The following REDIC1 variants were observed in gnomAD, a reference collection of about 807,000 sequenced individuals.
The protein encoded by REDIC1 is regulator of DNA class I crossover intermediates 1, also known as HEI10 Interacting Protein 1.
the REDIC1 span, among the ~76,000 whole-genome samples, chr12:39,899,997 C>A: frequency 1.3e-5 from 2 of 152,076 alleles, no homozygotes; most frequent in Non-Finnish European, 2.9e-5. Context: ...CCACCATGAT[C>A]AAGTGGGCTT....
At chr12:39,731,291 T>G in the REDIC1 span, among the ~76,000 whole-genome samples, 1 of 152,190 alleles carries the variant, frequency 6.6e-6, no homozygotes, top group African/African-American at 2.4e-5. Flanking sequence ...CTTTGTGGAT[T>G]TATCTACCTT....
the REDIC1 span, among the ~76,000 whole-genome samples, chr12:39,894,453 A>G: frequency 6.6e-6 from 1 of 152,208 alleles, no homozygotes; most frequent in Non-Finnish European, 1.5e-5. Flanking sequence ...TAATAAAAGG[A>G]CTTACTCAAT....
At chr12:39,850,700 A>T in the REDIC1 span, among the ~76,000 whole-genome samples, 1 of 152,210 alleles carries the variant, frequency 6.6e-6, no homozygotes, top group African/African-American at 2.4e-5. Context: ...ATGAATAAGG[A>T]TGATAATATA....
chr12:39,882,012 C>G, the REDIC1 span, among the ~76,000 whole-genome samples: 1 of 152,098 alleles, frequency 6.6e-6, no homozygotes, highest in Non-Finnish European at 1.5e-5. Flanking sequence ...TCCTCTCTGG[C>G]CAGCACAGCC....
the REDIC1 span, among the ~76,000 whole-genome samples, chr12:39,713,699 A>G: frequency 6.9e-6 from 1 of 145,232 alleles, no homozygotes; most frequent in African/African-American, 2.7e-5. Context: ...ACATGCGTAT[A>G]TACATATTTA....
the REDIC1 span, among the ~76,000 whole-genome samples, chr12:39,652,858 AG>A: frequency 6.6e-6 from 1 of 152,138 alleles, no homozygotes; most frequent in African/African-American, 2.4e-5. Context: ...TGTAAATATA[AG>A]GATTTTTTTC....
the REDIC1 span, among the ~76,000 whole-genome samples, chr12:39,896,604 GTA>G: frequency 2.6e-5 from 4 of 151,016 alleles, no homozygotes; most frequent in Admixed American, 2.0e-4. Context: ...ATATATGTAT[GTA>G]TATGTGTTTA....
the REDIC1 span, chr12:39,871,951 C>T: frequency 6.3e-7 from 1 of 1,599,920 alleles, no homozygotes; most frequent in Non-Finnish European, 8.5e-7. Flanking sequence ...AGAATGGTTG[C>T]ACTGTAGTAC....
the REDIC1 span, among the ~76,000 whole-genome samples, chr12:39,799,600 C>T: frequency 6.6e-6 from 1 of 152,006 alleles, no homozygotes; most frequent in Non-Finnish European, 1.5e-5. Context: ...CAAATGCAAA[C>T]CAGGGGTTAG....
chr12:39,714,699 C>G, the REDIC1 span, among the ~76,000 whole-genome samples: 2 of 151,766 alleles, frequency 1.3e-5, no homozygotes, highest in African/African-American at 4.8e-5. Context: ...GAAGTGTTCC[C>G]TGTTCACCAC....
chr12:39,671,135 A>G, the REDIC1 span, among the ~76,000 whole-genome samples: 57 of 152,308 alleles, frequency 3.7e-4, no homozygotes, highest in Admixed American at 3.3e-3. Context: ...TCATTGATAT[A>G]TGAGCACCAG....
the REDIC1 span, among the ~76,000 whole-genome samples, chr12:39,655,259 T>C: frequency 6.6e-6 from 1 of 152,182 alleles, no homozygotes; most frequent in Non-Finnish European, 1.5e-5. Context: ...CTTTTTCTGC[T>C]TGCCTTGGAT....
chr12:39,693,700 G>A, the REDIC1 span, among the ~76,000 whole-genome samples: 6 of 151,982 alleles, frequency 3.9e-5, no homozygotes. Flanking sequence ...ATGCCCTATT[G>A]ATGGACATTT....
At chr12:39,852,212 T>A in the REDIC1 span, among the ~76,000 whole-genome samples, 1 of 152,204 alleles carries the variant, frequency 6.6e-6, no homozygotes, top group East Asian at 1.9e-4. Context: ...AATCCGTGTT[T>A]TCAAACTGAG....
At chr12:39,631,540 A>G in the REDIC1 span, among the ~76,000 whole-genome samples, 1 of 152,222 alleles carries the variant, frequency 6.6e-6, no homozygotes, top group Non-Finnish European at 1.5e-5. Context: ...AATATTTAAA[A>G]GAATCAAATA....
the REDIC1 span, among the ~76,000 whole-genome samples, chr12:39,793,746 G>A: frequency 6.6e-6 from 1 of 152,060 alleles, no homozygotes; most frequent in Non-Finnish European, 1.5e-5. Flanking sequence ...TCATGCACCT[G>A]CTTTTCCTCT....
At chr12:39,626,485 A>T in the REDIC1 span, 1 of 1,243,674 alleles carries the variant, frequency 8.0e-7, no homozygotes, top group South Asian at 1.4e-5. Flanking sequence ...TTTTATTGTT[A>T]TCCAAATCGG....
the REDIC1 span, among the ~76,000 whole-genome samples, chr12:39,732,114 C>A: frequency 6.6e-6 from 1 of 152,250 alleles, no homozygotes; most frequent in South Asian, 2.1e-4. Flanking sequence ...AATTGTGCAT[C>A]CCTAGACACT....
chr12:39,769,021 C>T, the REDIC1 span, among the ~76,000 whole-genome samples: 83 of 152,176 alleles, frequency 5.5e-4, no homozygotes, highest in East Asian at 2.9e-3. Context: ...GTTCCCAACC[C>T]GGTGTGGCTT....
Sources: allele counts gnomAD v4.1 joint callset (sites outside exome capture counted in the v4.1 genomes callset), GRCh38; gene constraint gnomAD v4.1.1; transcripts MANE v1.5; gene names NCBI Gene and HGNC (gene_info 2026-07-23, HGNC 2026-07-21).